ESR1: variants seen among roughly 807,000 people sequenced by gnomAD.
ESR1 encodes the protein estrogen receptor.
Under a neutral mutation model 52.7 loss-of-function variants are expected in ESR1, and 12 were observed. The ratio of observed to expected loss-of-function variants is 0.23; its 90% CI spans 0.15 to 0.37. The LOEUF (loss-of-function observed/expected upper bound fraction) is 0.37, where lower values mean the gene tolerates loss of function less well. Ranked by LOEUF, ESR1 falls within the 10% of genes least tolerant of loss-of-function variation. The pLI, the probability that ESR1 is intolerant of heterozygous loss-of-function variation, is 1.00. For synonymous variants in ESR1, 305 were observed against 316.8 expected, an observed-to-expected ratio of 0.96 and a Z score of 0.39; for missense variants, 584 against 779.7, an observed-to-expected ratio of 0.75 and a Z score of 2.99.
chr6:151,706,052 G>A (rs538517139), intron 2 of ESR1, among the ~76,000 whole-genome samples: 1 of 152,302 alleles, frequency 6.6e-6, no homozygotes, highest in African/African-American at 2.4e-5. Flanking sequence ...ACAACAACCA[G>A]TGAAAAATCT....
chr6:151,917,389 C>A (rs35223411), intron 3 of ESR1, among the ~76,000 whole-genome samples: 310 of 152,258 alleles, frequency 2.0e-3, no homozygotes, highest in African/African-American at 7.1e-3. Context: ...TATGTATTCC[C>A]TTTCTTCTCA....
At chr6:151,944,067 G>A (rs1373056465) in intron 3 of ESR1, 106 bp from the exon 4 acceptor site, 1 of 920,258 alleles carries the variant, frequency 1.1e-6, no homozygotes, top group Non-Finnish European at 1.7e-6. Flanking sequence ...GTGCTTGAAA[G>A]TATTTCTTCA....
At position 152,102,001 on chromosome 6, in the gene ESR1, C is replaced by T. The variant is rs561689211; in HGVS notation, c.*3035C>T. 1.7e-3 allele frequency: 353 copies of T among 213,826 alleles called. 2 individuals carry two copies. The highest frequency in any genetic ancestry group is 1.3e-3 in the Non-Finnish European group (139 of 105,612). The allele number at this position is 213,826 out of a possible 1,614,324, so 13.2% of individuals were successfully genotyped here. ...TTCTTTTCGCCATTGCCTAGCTTGC[C>T]GTAATGATTCTATAATGCCATCATG... On this transcript the variant is annotated 3_prime_UTR_variant, in exon 8 of 8. Coordinates refer to ENST00000206249, the MANE Select transcript of ESR1 (RefSeq NM_000125.4).
intron 3 of ESR1, among the ~76,000 whole-genome samples, chr6:151,937,091 G>C (rs2034455664): frequency 6.6e-6 from 1 of 152,172 alleles, no homozygotes; most frequent in Non-Finnish European, 1.5e-5. Flanking sequence ...GGGATTTGTA[G>C]AGATAAGTTT....
In ESR1 at chr6:152,079,459, C is replaced by T. The variant is rs576383055; in HGVS notation, c.1370-14926C>T. On this transcript the variant is annotated intron_variant, in intron 6 of 7. Coordinates refer to ENST00000206249, the MANE Select transcript of ESR1 (RefSeq NM_000125.4). ...ATAGCATCAACATCAACAAAAAGGACATCCACACCAAAACCCCATCTGTAG... is the reference window on the plus strand; with the variant it reads ...ATAGCATCAACATCAACAAAAAGGATATCCACACCAAAACCCCATCTGTAG... 1.2e-4 allele frequency among the ~76,000 whole-genome samples: 18 copies of T among 152,294 alleles called. No homozygotes were observed. The East Asian group carries it at 3.3e-3, about 28-fold the overall frequency.
intron 4 of ESR1, among the ~76,000 whole-genome samples, chr6:152,000,140 A>C (rs2041835923): frequency 1.3e-5 from 2 of 152,064 alleles, no homozygotes; most frequent in African/African-American, 4.8e-5. Flanking sequence ...TATTCTTTCT[A>C]GTTTTCACCA....
At chr6:151,865,072 G>T (rs1351312286) in intron 2 of ESR1, among the ~76,000 whole-genome samples, 1 of 151,888 alleles carries the variant, frequency 6.6e-6, no homozygotes, top group African/African-American at 2.4e-5. Context: ...ATGTACCCTA[G>T]AACTTAAAGT....
intron 2 of ESR1, among the ~76,000 whole-genome samples, chr6:151,875,247 G>T (rs144648459): frequency 2.8e-4 from 42 of 152,296 alleles, no homozygotes; most frequent in African/African-American, 9.6e-4. Flanking sequence ...GACTGCCCCT[G>T]CTTAGAACCA....
chr6:151,668,441 C>A (rs1224715514), intron 1 of ESR1, among the ~76,000 whole-genome samples: 1 of 152,030 alleles, frequency 6.6e-6, no homozygotes, highest in African/African-American at 2.4e-5. Flanking sequence ...CGCCACCATG[C>A]CTGGCTAATT....
At chr6:151,776,376 G>C (rs1406076147) in intron 2 of ESR1, among the ~76,000 whole-genome samples, 1 of 152,212 alleles carries the variant, frequency 6.6e-6, no homozygotes, top group Non-Finnish European at 1.5e-5. Flanking sequence ...CAAAGCAGAG[G>C]CTGTCTGTTC....
intron 3 of ESR1, among the ~76,000 whole-genome samples, chr6:151,905,330 C>T (rs1797272695): frequency 6.6e-6 from 1 of 152,164 alleles, no homozygotes; most frequent in African/African-American, 2.4e-5. Flanking sequence ...TTGCATTATG[C>T]TTAGAATGTC....
rs573487432 is a variant in ESR1 at position 151,987,550 on chromosome 6, C to T, written c.1097-24106C>T. ...GACTTTATTTTAGAAAGATAGGTTACGACAGTTGCTCCACCCATCCCCCCT... is the reference window on the plus strand; with the variant it reads ...GACTTTATTTTAGAAAGATAGGTTATGACAGTTGCTCCACCCATCCCCCCT... On this transcript the variant is annotated intron_variant, in intron 4 of 7. Coordinates refer to ENST00000206249, the MANE Select transcript of ESR1 (RefSeq NM_000125.4). Among the ~76,000 whole-genome samples, 27 of 152,172 alleles carry T rather than the reference C, an allele frequency of 1.8e-4. No homozygotes were observed. The South Asian group carries it at 1.9e-3, about 11-fold the overall frequency.
chr6:151,906,759 G>T (rs1391385909), intron 3 of ESR1, among the ~76,000 whole-genome samples: 1 of 148,792 alleles, frequency 6.7e-6, no homozygotes, highest in Admixed American at 6.8e-5. Flanking sequence ...AAAATTTTAA[G>T]TTGTGGAATT....
At chr6:152,021,443 C>T (rs762514371) in intron 5 of ESR1, among the ~76,000 whole-genome samples, 2 of 152,084 alleles carry the variant, frequency 1.3e-5, no homozygotes, top group Middle Eastern at 3.2e-3. Context: ...CTCTAGAGAA[C>T]CCTGACTAAT....
intron 1 of ESR1, among the ~76,000 whole-genome samples, chr6:151,679,181 G>T (rs1778364987): frequency 1.3e-5 from 2 of 152,172 alleles, no homozygotes; most frequent in Non-Finnish European, 1.5e-5. Context: ...TGACCCAGTT[G>T]TGGAAAAATT....
At chr6:151,997,536 G>A (rs1039247354) in intron 4 of ESR1, among the ~76,000 whole-genome samples, 1 of 152,076 alleles carries the variant, frequency 6.6e-6, no homozygotes, top group East Asian at 1.9e-4. Context: ...AAATGGACAA[G>A]TATAACACAT....
intron 3 of ESR1, among the ~76,000 whole-genome samples, chr6:151,893,063 C>T (rs546658937): frequency 3.9e-4 from 59 of 152,216 alleles, no homozygotes; most frequent in African/African-American, 1.3e-3. Context: ...TGGTGGCGGG[C>T]GCCTGTAGTC....
At chr6:151,830,417 T>C (rs1165535309) in intron 1 of ESR1, among the ~76,000 whole-genome samples, 1 of 152,204 alleles carries the variant, frequency 6.6e-6, no homozygotes, top group Non-Finnish European at 1.5e-5. Flanking sequence ...AATCAAGTTA[T>C]TGTCTCCCAA....
chr6:151,944,173 G>C lies in ESR1; in HGVS notation c.761G>C (p.Gly254Ala), dbSNP rs2128525894. The change falls in exon 4 of 8, where the codon GGG becomes GCG. Residue 254 changes from glycine to alanine, a missense_variant and splice_region_variant. Transcript: ENST00000206249. ...TTTTTTTTTCCACCTGTGTTTTCAG[G>C]GATACGAAAAGACCGAAGAGGAGGG... ...KCYEVGMMKG[G>A]IRKDRRGGRM... The C allele has an allele frequency of 6.2e-7, 1 of 1,613,356 alleles. No individual in the cohort carries two copies. The highest frequency in any genetic ancestry group is 1.3e-5 in the African/African-American group (1 of 75,000).
Sources: allele counts gnomAD v4.1 joint callset (sites outside exome capture counted in the v4.1 genomes callset), GRCh38; gene constraint gnomAD v4.1.1; transcripts MANE v1.5; gene names NCBI Gene and HGNC (gene_info 2026-07-23, HGNC 2026-07-21).